LHFPL3: variants seen among roughly 807,000 people sequenced by gnomAD.
LHFPL3 encodes the protein LHFPL tetraspan subfamily member 3 protein.
A neutral mutation model predicts 19.3 loss-of-function variants in LHFPL3; 5 were observed. That is an observed-to-expected ratio of 0.26 (90% CI 0.14 to 0.54). The LOEUF is 0.54. Ranked by LOEUF, LHFPL3 falls within the 20% of genes least tolerant of loss-of-function variation. LHFPL3 has a pLI of 0.94. For missense variants in LHFPL3, 249 were observed against 307.4 expected, an observed-to-expected ratio of 0.81 and a Z score of 1.42; for synonymous variants, 133 against 126.2, an observed-to-expected ratio of 1.05 and a Z score of -0.36.
intron 2 of LHFPL3, among the ~76,000 whole-genome samples, chr7:104,777,365 A>G (rs990951429): frequency 5.9e-5 from 9 of 152,150 alleles, no homozygotes; most frequent in Admixed American, 6.5e-5. Context: ...AGGGTTCAAG[A>G]AGTTACCAGG....
chr7:104,791,038 T>C (rs1425702324), intron 2 of LHFPL3, among the ~76,000 whole-genome samples: 1 of 152,256 alleles, frequency 6.6e-6, no homozygotes, highest in Non-Finnish European at 1.5e-5. Context: ...TTTAACATTG[T>C]TTTTCTATGG....
intron 2 of LHFPL3, among the ~76,000 whole-genome samples, chr7:104,900,456 TCAAGGCCTGA>T (rs1792460694): frequency 6.6e-6 from 1 of 152,214 alleles, no homozygotes; most frequent in Non-Finnish European, 1.5e-5. Context: ...CACAGAATTA[TCAAGGCCTGA>T]CTCTTAGGCC....
At chr7:104,834,071 G>T (rs1232810329) in intron 2 of LHFPL3, among the ~76,000 whole-genome samples, 1 of 150,382 alleles carries the variant, frequency 6.6e-6, no homozygotes, top group Admixed American at 6.6e-5. Flanking sequence ...GGAAGACTAG[G>T]CCAGTCTCAC....
At chr7:104,710,849 CAAT>C (rs768964022) in intron 1 of LHFPL3, among the ~76,000 whole-genome samples, 5 of 152,162 alleles carry the variant, frequency 3.3e-5, no homozygotes, top group Non-Finnish European at 7.4e-5. Flanking sequence ...GTTTCCCTGA[CAAT>C]ATTTTTTCTT....
At chr7:104,391,964 A>G (rs1434938952) in intron 1 of LHFPL3, among the ~76,000 whole-genome samples, 1 of 152,070 alleles carries the variant, frequency 6.6e-6, no homozygotes, top group East Asian at 1.9e-4. Context: ...ATGGGAGTTC[A>G]CTCATGATTT....
chr7:104,448,222 A>G (rs185810904), intron 1 of LHFPL3, among the ~76,000 whole-genome samples: 6 of 152,300 alleles, frequency 3.9e-5, no homozygotes, highest in African/African-American at 1.4e-4. Flanking sequence ...GGAGTTTTGA[A>G]TAATGAAAAA....
chr7:104,846,296 T>C (rs1386397912), intron 2 of LHFPL3, among the ~76,000 whole-genome samples: 1 of 152,250 alleles, frequency 6.6e-6, no homozygotes, highest in Non-Finnish European at 1.5e-5. Context: ...CTGACTGTGA[T>C]TGCAGGGTTG....
At chr7:104,422,622 G>A (rs531699893) in intron 1 of LHFPL3, among the ~76,000 whole-genome samples, 3 of 152,264 alleles carry the variant, frequency 2.0e-5, no homozygotes, top group South Asian at 2.1e-4. Context: ...AGTCCACCAC[G>A]TACTATGTAT....
chr7:104,895,350 C>T (rs1203199760), intron 2 of LHFPL3: 1 of 152,222 alleles, frequency 6.6e-6, no homozygotes, highest in Non-Finnish European at 1.5e-5. Context: ...TCCTAATCAT[C>T]TATCCCCTAG....
intron 1 of LHFPL3, among the ~76,000 whole-genome samples, chr7:104,706,338 A>G (rs963612682): frequency 1.3e-5 from 2 of 152,050 alleles, no homozygotes; most frequent in African/African-American, 4.8e-5. Flanking sequence ...TCTGACAAGG[A>G]CACTGACTAT....
intron 1 of LHFPL3, among the ~76,000 whole-genome samples, chr7:104,591,349 T>G (rs1039679616): frequency 6.6e-6 from 1 of 152,184 alleles, no homozygotes; most frequent in African/African-American, 2.4e-5. Flanking sequence ...GTCTGTAAAG[T>G]ATTTTATTTC....
chr7:104,440,186 A>T (rs1287748296), intron 1 of LHFPL3, among the ~76,000 whole-genome samples: 2 of 151,142 alleles, frequency 1.3e-5, no homozygotes, highest in African/African-American at 2.4e-5. Context: ...ATAATAATAA[A>T]AAAATACAAA....
intron 1 of LHFPL3, among the ~76,000 whole-genome samples, chr7:104,450,337 TGAAAAG>T (rs1401066901): frequency 6.6e-6 from 1 of 152,176 alleles, no homozygotes; most frequent in Non-Finnish European, 1.5e-5. Flanking sequence ...TGGGTAGAAA[TGAAAAG>T]GAAAACATGA....
rs370567084 is a variant in LHFPL3 at position 104,849,575 on chromosome 7, G to A, written c.683-56612G>A. On this transcript the variant is annotated intron_variant, in intron 2 of 2. Coordinates refer to ENST00000424859, the MANE Select transcript of LHFPL3 (RefSeq NM_199000.3). ...AAAGGCATATAAATTTATTTAACAT[G>A]TATACCTGGGAGCCTTCAGAATGAA... 3.4e-4 allele frequency among the ~76,000 whole-genome samples: 52 copies of A among 152,352 alleles called. 1 individual carries two copies. Among genetic ancestry groups the A allele is most frequent in the African/African-American group, 1.2e-3 (49 of 41,580 alleles).
At chr7:104,630,822 T>A (rs1204469584) in intron 1 of LHFPL3, among the ~76,000 whole-genome samples, 1 of 152,022 alleles carries the variant, frequency 6.6e-6, no homozygotes, top group African/African-American at 2.4e-5. Flanking sequence ...TTCTAAAGAA[T>A]ATAAGAATAT....
chr7:104,425,706 A>T (rs900277874), intron 1 of LHFPL3, among the ~76,000 whole-genome samples: 1 of 152,140 alleles, frequency 6.6e-6, no homozygotes, highest in African/African-American at 2.4e-5. Context: ...ATTTTTAGTG[A>T]TGAAATTATA....
chr7:104,502,434 T>C (rs771101427), intron 1 of LHFPL3, among the ~76,000 whole-genome samples: 1 of 152,006 alleles, frequency 6.6e-6, no homozygotes, highest in Non-Finnish European at 1.5e-5. Context: ...AAAAAGGTTT[T>C]ACATTCTTAT....
intron 1 of LHFPL3, among the ~76,000 whole-genome samples, chr7:104,730,707 C>G (rs1793683883): frequency 6.6e-6 from 1 of 152,192 alleles, no homozygotes; most frequent in Admixed American, 6.5e-5. Flanking sequence ...CCTGTTCACT[C>G]TGATGGTAGT....
Position 104,464,022 on chromosome 7 carries a change from C to A in LHFPL3, c.445+134798C>A, listed in dbSNP as rs183999627. 3.2e-3 allele frequency among the ~76,000 whole-genome samples: 492 copies of A among 152,292 alleles called. 5 individuals are homozygous for A. The highest frequency in any genetic ancestry group is 0.011 in the African/African-American group (468 of 41,552). ...CCTTCTGCCTATGAGCCTGTAAAAT[C>A]AAAAACAAGTTAGTTACTTCCTAGA... On this transcript the variant is annotated intron_variant, in intron 1 of 2. Transcript: ENST00000424859.
Sources: gnomAD v4.1 joint callset for allele counts (sites outside exome capture counted in the v4.1 genomes callset) on GRCh38, gnomAD v4.1.1 for gene constraint, MANE v1.5 for transcripts, NCBI Gene and HGNC (gene_info 2026-07-23, HGNC 2026-07-21) for gene names.